Variants in NEO1 observed in about 807,000 individuals in gnomAD.
NEO1 encodes neogenin 1, also known as neogenin.
A neutral mutation model predicts 159.7 loss-of-function variants in NEO1; 63 were observed. That is an observed-to-expected ratio of 0.39 (90% CI 0.32 to 0.49). The LOEUF is 0.49. Among genes scored for constraint, NEO1 ranks in the 20% least tolerant of loss-of-function variants. The probability of loss-of-function intolerance (pLI) is 0.85; values close to 1 mark genes in which losing one functional copy is unlikely to be tolerated. For missense variants in NEO1, 1,615 were observed against 1,831.0 expected, an observed-to-expected ratio of 0.88 and a Z score of 2.15; for synonymous variants, 633 against 662.0, an observed-to-expected ratio of 0.96 and a Z score of 0.67.
intron 1 of NEO1, among the ~76,000 whole-genome samples, chr15:73,086,054 C>T (rs1038578682): frequency 1.3e-5 from 2 of 152,074 alleles, no homozygotes; most frequent in Non-Finnish European, 2.9e-5. Context: ...TTTATTTCTT[C>T]TAGGAATTTT....
chr15:73,298,202 T>C (rs1397648830), intron 26 of NEO1, 146 bp from the exon 27 acceptor site: 8 of 914,870 alleles, frequency 8.7e-6, no homozygotes, highest in Non-Finnish European at 1.3e-5. Context: ...TCCCTGGCAG[T>C]GGTGCTAATC....
intron 1 of NEO1, among the ~76,000 whole-genome samples, chr15:73,062,875 G>T (rs1434316297): frequency 6.6e-6 from 1 of 152,204 alleles, no homozygotes; most frequent in Non-Finnish European, 1.5e-5. Flanking sequence ...CAGTTGAAAA[G>T]TCTAGGCTAG....
chr15:73,190,636 A>G (rs1447345905), intron 7 of NEO1, among the ~76,000 whole-genome samples: 1 of 152,170 alleles, frequency 6.6e-6, no homozygotes, highest in African/African-American at 2.4e-5. Context: ...TTAGTGGAAT[A>G]TTTTAATTTC....
chr15:73,124,164 G>A (rs1342601365), intron 3 of NEO1, among the ~76,000 whole-genome samples: 1 of 152,150 alleles, frequency 6.6e-6, no homozygotes, highest in Admixed American at 6.5e-5. Flanking sequence ...CTGGGCTCAA[G>A]TGTTCCTCCT....
intron 5 of NEO1, among the ~76,000 whole-genome samples, chr15:73,145,268 T>C (rs766874861): frequency 9.9e-5 from 15 of 152,224 alleles, no homozygotes; most frequent in Non-Finnish European, 2.1e-4. Context: ...TTTTGCGTAC[T>C]GATTGAATTT....
chr15:73,218,434 G>A (rs1446083270), intron 7 of NEO1, among the ~76,000 whole-genome samples: 1 of 151,914 alleles, frequency 6.6e-6, no homozygotes, highest in Non-Finnish European at 1.5e-5. Context: ...GATGATGCTG[G>A]CCTCATAAAA....
In NEO1 at chr15:73,249,076, A is replaced by G. The variant is rs549460711; in HGVS notation, c.1623A>G (p.Pro541=). Residue 541 remains proline, a synonymous_variant, in exon 10 of 29, where the codon CCA becomes CCG. Coordinates refer to ENST00000261908, the MANE Select transcript of NEO1 (RefSeq NM_002499.4). ...ETQPEVQLPG[P]APNLRAYAAS... ...TCTTTCTAGTTCAGCTCCCTGGCCCAGCACCTAACCTTCGTGCATATGCAG... is the reference window on the plus strand; with the variant it reads ...TCTTTCTAGTTCAGCTCCCTGGCCCGGCACCTAACCTTCGTGCATATGCAG... 7 of 1,614,040 alleles carry G rather than the reference A, an allele frequency of 4.3e-6. No individual in the cohort carries two copies. The highest frequency in any genetic ancestry group is 4.0e-5 in the African/African-American group (3 of 75,038).
At chr15:73,203,946 C>A (rs2037060591) in intron 7 of NEO1, among the ~76,000 whole-genome samples, 1 of 151,854 alleles carries the variant, frequency 6.6e-6, no homozygotes, top group Non-Finnish European at 1.5e-5. Context: ...TTTGTAAATC[C>A]AAGTTTCTGA....
At chr15:73,266,438 C>A (rs768392073) in intron 16 of NEO1, 27 bp downstream of exon 16, 1 of 1,555,516 alleles carries the variant, frequency 6.4e-7, no homozygotes, top group Non-Finnish European at 8.8e-7. Flanking sequence ...TTCCTAGTCT[C>A]CAGCACTTTT....
At chr15:73,211,817 T>G (rs1167183771) in intron 7 of NEO1, among the ~76,000 whole-genome samples, 1 of 152,254 alleles carries the variant, frequency 6.6e-6, no homozygotes, top group African/African-American at 2.4e-5. Context: ...AGGGTTCCCC[T>G]TGAGTCTTTT....
chr15:73,108,305 A>G (rs2070792022), intron 1 of NEO1, among the ~76,000 whole-genome samples: 1 of 152,210 alleles, frequency 6.6e-6, no homozygotes, highest in African/African-American at 2.4e-5. Context: ...CTTCTTGCAC[A>G]TCATGAAGAA....
chr15:73,249,863 C>A, intron 11 of NEO1, 142 bp downstream of exon 11: 2 of 936,548 alleles, frequency 2.1e-6, no homozygotes, highest in Non-Finnish European at 3.1e-6. Context: ...TTAGTCAAGT[C>A]TGAACATCTT....
intron 5 of NEO1, among the ~76,000 whole-genome samples, chr15:73,176,172 A>C (rs1347491243): frequency 6.6e-6 from 1 of 152,230 alleles, no homozygotes. Flanking sequence ...GGAAACTCAG[A>C]AATTATCTTT....
chr15:73,171,148 C>T (rs992485744), intron 5 of NEO1, among the ~76,000 whole-genome samples: 2 of 151,886 alleles, frequency 1.3e-5, no homozygotes, highest in Admixed American at 1.3e-4. Context: ...GACTTGGTTT[C>T]TTAAACAAAT....
chr15:73,252,198 C>A (rs2040112220), intron 11 of NEO1, among the ~76,000 whole-genome samples: 1 of 152,174 alleles, frequency 6.6e-6, no homozygotes. Flanking sequence ...TAGTTGTATA[C>A]CTGGTCACCA....
chr15:73,200,638 C>T lies in NEO1; in HGVS notation c.1291+22211C>T, dbSNP rs190288075. ...GGAAAGGGAGTCTTTTTCATCTAAG[C>T]GGGCATAGAGTTGTTTATAGTATTC... On this transcript the variant is annotated intron_variant, in intron 7 of 28. Coordinates refer to ENST00000261908, the MANE Select transcript of NEO1 (RefSeq NM_002499.4). Among the ~76,000 whole-genome samples the T allele has an allele frequency of 2.4e-3, 350 of 143,918 alleles. 4 individuals carry two copies. The highest frequency in any genetic ancestry group is 0.012 in the Middle Eastern group (3 of 260). 94.4% of individuals were successfully genotyped at this position (143,918 alleles called of 152,430 possible).
chr15:73,080,210 G>C (rs1442697209), intron 1 of NEO1, among the ~76,000 whole-genome samples: 1 of 152,136 alleles, frequency 6.6e-6, no homozygotes, highest in East Asian at 1.9e-4. Context: ...GTTGCCATTA[G>C]ACAGTTTCTA....
intron 1 of NEO1, among the ~76,000 whole-genome samples, chr15:73,107,953 G>A (rs1000450945): frequency 2.6e-5 from 4 of 152,160 alleles, no homozygotes; most frequent in Admixed American, 6.5e-5. Context: ...AGGCTAAGGC[G>A]GGAGGATGAC....
At chr15:73,178,101 C>T (rs2035387464) in intron 6 of NEO1, among the ~76,000 whole-genome samples, 1 of 152,152 alleles carries the variant, frequency 6.6e-6, no homozygotes, top group Admixed American at 6.5e-5. Flanking sequence ...TCGTGAATGA[C>T]AGTATGTACT....
Sources: allele counts gnomAD v4.1 joint callset (sites outside exome capture counted in the v4.1 genomes callset), GRCh38; gene constraint gnomAD v4.1.1; transcripts MANE v1.5; gene names NCBI Gene and HGNC (gene_info 2026-07-23, HGNC 2026-07-21).